Variants in ZNF91 observed in about 807,000 individuals in gnomAD.
The protein encoded by ZNF91 is zinc finger protein 91 (HPF7, HTF10).
Under a neutral mutation model 12.6 loss-of-function variants are expected in ZNF91, and 7 were observed. That is an observed-to-expected ratio of 0.55 (90% CI 0.31 to 1.04). The LOEUF (loss-of-function observed/expected upper bound fraction) is 1.04, where lower values mean the gene tolerates loss of function less well. Among genes scored for constraint, ZNF91 ranks in the 50% least tolerant of loss-of-function variants. The probability of loss-of-function intolerance (pLI) is 0.05; values close to 1 mark genes in which losing one functional copy is unlikely to be tolerated. For missense variants in ZNF91, 1,217 were observed against 1,385.4 expected, an observed-to-expected ratio of 0.88 and a Z score of 1.93; for synonymous variants, 453 against 462.6, an observed-to-expected ratio of 0.98 and a Z score of 0.27.
chr19:23,338,270 A>C (rs967931763), downstream of ZNF91: 3 of 152,192 alleles, frequency 2.0e-5, no homozygotes, highest in Non-Finnish European at 4.4e-5. Context: ...GCAAAAGAAA[A>C]GCATCTAGTA....
intron 1 of ZNF91, among the ~76,000 whole-genome samples, chr19:23,318,461 G>A (rs747611592): frequency 4.7e-4 from 71 of 152,056 alleles, no homozygotes; most frequent in Non-Finnish European, 8.5e-4. Context: ...TGTGTCTCTG[G>A]ACCCAACGGT....
chr19:23,306,675 ATC>A (rs1479923911), intron 3 of ZNF91: 2 of 152,250 alleles, frequency 1.3e-5, no homozygotes, highest in African/African-American at 4.8e-5. Flanking sequence ...ATTGTGAGAT[ATC>A]TCTGTGTCCA....
At chr19:23,380,204 AGCC>A (rs1374085627) in intron 1 of ZNF91, 7 of 140,002 alleles carry the variant, frequency 5.0e-5, no homozygotes, top group Non-Finnish European at 1.1e-4. Flanking sequence ...GGTTGCAGTG[AGCC>A]GAGATTGCGA....
chr19:23,380,863 C>T (rs1439483202), intron 1 of ZNF91: 3 of 143,136 alleles, frequency 2.1e-5, no homozygotes, highest in African/African-American at 5.4e-5. Context: ...ACAACTACCA[C>T]CAGCACTTTT....
chr19:23,340,032 T>C (rs1415746184), intron 3 of ZNF91: 2 of 151,142 alleles, frequency 1.3e-5, no homozygotes, highest in East Asian at 3.9e-4. Flanking sequence ...ACCTGTGAGA[T>C]ACATCAAATG....
At chr19:23,366,964 G>A (rs1481421497) in intron 3 of ZNF91, among the ~76,000 whole-genome samples, 3 of 152,234 alleles carry the variant, frequency 2.0e-5, no homozygotes, top group Non-Finnish European at 2.9e-5. Flanking sequence ...TGCACCTGGT[G>A]TATTCTGTTA....
rs961518231 is a variant in ZNF91 at position 23,358,960 on chromosome 19, C to T, written c.*443G>A. 3.9e-5 allele frequency: 14 copies of T among 359,950 alleles called. 1 individual carries two copies. The highest frequency in any genetic ancestry group is 7.5e-5 in the Non-Finnish European group (14 of 186,096). 22.3% of individuals were successfully genotyped at this position (359,950 alleles called of 1,614,324 possible). On this transcript the variant is annotated 3_prime_UTR_variant, in exon 4 of 4. Coordinates refer to ENST00000300619, the MANE Select transcript of ZNF91 (RefSeq NM_003430.4). ...TTATTCACACTTGTAAGATTTCTCT[C>T]CAATATGAGTTATCTTATCTGTAGT... is the stretch of plus-strand genomic sequence containing the variant.
intron 3 of ZNF91, among the ~76,000 whole-genome samples, chr19:23,371,916 A>T (rs1969293174): frequency 6.6e-6 from 1 of 152,220 alleles, no homozygotes; most frequent in Admixed American, 6.5e-5. Flanking sequence ...AATTACTGTA[A>T]TTCAAGTTTA....
intron 1 of ZNF91, among the ~76,000 whole-genome samples, chr19:23,331,871 A>G (rs1347060439): frequency 1.3e-5 from 2 of 152,146 alleles, no homozygotes; most frequent in Non-Finnish European, 2.9e-5. Context: ...CAGTAAATGG[A>G]GTTTTGTAAG....
At chr19:23,364,322 C>A (rs1968917959) in intron 3 of ZNF91, among the ~76,000 whole-genome samples, 1 of 152,174 alleles carries the variant, frequency 6.6e-6, no homozygotes, top group African/African-American at 2.4e-5. Context: ...TGGCACATGC[C>A]TGTAATCCCA....
In ZNF91 at chr19:23,359,120, G is replaced by T; in HGVS notation, c.*283C>A. On this transcript the variant is annotated 3_prime_UTR_variant, in exon 4 of 4. Coordinates refer to ENST00000300619, the MANE Select transcript of ZNF91 (RefSeq NM_003430.4). ...TTGCCACATTCTTCACATTTGTAGA[G>T]TTTTACTCCAGTATGAATTACCTTA... is the stretch of plus-strand genomic sequence containing the variant. 1 of 554,386 alleles carries T rather than the reference G, an allele frequency of 1.8e-6. No individual in the cohort carries two copies. Among genetic ancestry groups the T allele is most frequent in the East Asian group, 4.3e-5 (1 of 23,118 alleles). The allele number at this position is 554,386 out of a possible 1,614,324, so 34.3% of individuals were successfully genotyped here.
intron 1 of ZNF91, among the ~76,000 whole-genome samples, chr19:23,389,596 T>C (rs529538437): frequency 1.3e-5 from 2 of 152,080 alleles, no homozygotes; most frequent in African/African-American, 4.8e-5. Flanking sequence ...TTAGGTCCTC[T>C]GTCACCCTGG....
At chr19:23,382,051 A>C (rs1473240320) in intron 1 of ZNF91, among the ~76,000 whole-genome samples, 4 of 71,556 alleles carry the variant, frequency 5.6e-5, no homozygotes, top group African/African-American at 3.0e-4. Context: ...TCCTGAGACA[A>C]AAAAAAAAAA....
intron 1 of ZNF91, among the ~76,000 whole-genome samples, chr19:23,319,765 C>T (rs1294012409): frequency 6.6e-6 from 1 of 152,200 alleles, no homozygotes; most frequent in Admixed American, 6.5e-5. Context: ...TGGCCCCAAA[C>T]CAAGGTAATG....
intron 1 of ZNF91, among the ~76,000 whole-genome samples, chr19:23,320,156 A>T (rs1299962129): frequency 2.0e-5 from 3 of 152,206 alleles, no homozygotes; most frequent in African/African-American, 7.2e-5. Context: ...GAATTGTGTC[A>T]GTCATATGTG....
intron 1 of ZNF91, among the ~76,000 whole-genome samples, chr19:23,392,377 CA>C (rs1970095040): frequency 1.1e-5 from 1 of 94,850 alleles, no homozygotes; most frequent in African/African-American, 4.2e-5. Context: ...GCCTGGGTGA[CA>C]AGAGTGAAAC....
chr19:23,323,571 TTC>T (rs755407279), intron 1 of ZNF91, among the ~76,000 whole-genome samples: 4 of 148,754 alleles, frequency 2.7e-5, no homozygotes, highest in Non-Finnish European at 5.9e-5. Flanking sequence ...CCTTTTCCTC[TTC>T]TCTTCCTCCC....
In ZNF91 at chr19:23,360,059, C is replaced by G. The variant is rs760963977; in HGVS notation, c.2920G>C (p.Ala974Pro). Residue 974 changes from alanine (A) to proline (P), a missense_variant, in exon 4 of 4, where the codon GCT (alanine) becomes CCT (proline). Physicochemically the swap from Ala to Pro is conservative, Grantham distance 27. Coordinates refer to ENST00000300619, the MANE Select transcript of ZNF91 (RefSeq NM_003430.4). ...KPYKCEECGK[A>P]FRKSSTLTEH... ...GTAAGAGTTGAAGATTTCCTAAAAG[C>G]TTTGCCACATTCTTCACATTTGTAG... The G allele has an allele frequency of 5.5e-5, 88 of 1,613,226 alleles. No homozygotes were observed. The African/African-American group carries it at 9.7e-4, about 18-fold the overall frequency.
chr19:23,340,926 A>G (rs1968110961), intron 3 of ZNF91, among the ~76,000 whole-genome samples: 1 of 151,854 alleles, frequency 6.6e-6, no homozygotes, highest in African/African-American at 2.4e-5. Flanking sequence ...AAATATAATA[A>G]TAGTAATAAT....
Sources: allele counts gnomAD v4.1 joint callset (sites outside exome capture counted in the v4.1 genomes callset), GRCh38; gene constraint gnomAD v4.1.1; transcripts MANE v1.5; gene names NCBI Gene and HGNC (gene_info 2026-07-23, HGNC 2026-07-21).